Variants in DNAAF5 observed in about 807,000 individuals in gnomAD.
DNAAF5 encodes dynein axonemal assembly factor 5.
In DNAAF5, 64 loss-of-function variants were observed where a neutral mutation model predicts 75.8. That is an observed-to-expected ratio of 0.84 (90% CI 0.69 to 1.04). DNAAF5 has a LOEUF of 1.04. Ranked by LOEUF, DNAAF5 falls within the 50% of genes least tolerant of loss-of-function variation. The pLI, the probability that DNAAF5 is intolerant of heterozygous loss-of-function variation, is 0.00. For missense variants in DNAAF5, 1,269 were observed against 1,178.5 expected, an observed-to-expected ratio of 1.08 and a Z score of -1.12; for synonymous variants, 657 against 557.2, an observed-to-expected ratio of 1.18 and a Z score of -2.52.
In DNAAF5 at chr7:785,763, C is replaced by A; in HGVS notation, c.*110C>A. The A allele has an allele frequency of 7.9e-7, 1 of 1,265,954 alleles. No homozygotes were observed. Among genetic ancestry groups the A allele is most frequent in the Non-Finnish European group, 1.1e-6 (1 of 920,618 alleles). 78.4% of individuals were successfully genotyped at this position (1,265,954 alleles called of 1,614,324 possible). ...TGTGCCAGCAGTGAGACTGTGACAG[C>A]AAGAATGTACTCCTCAGGACACCTG... On this transcript the variant is annotated 3_prime_UTR_variant, in exon 13 of 13. Coordinates refer to ENST00000297440, the MANE Select transcript of DNAAF5 (RefSeq NM_017802.4).
intron 8 of DNAAF5, among the ~76,000 whole-genome samples, chr7:766,803 A>G (rs929869042): frequency 2.6e-5 from 4 of 152,078 alleles, no homozygotes; most frequent in African/African-American, 4.8e-5. Context: ...GAGAGAGACC[A>G]TGATTCCAAA....
chr7:777,386 G>A lies in DNAAF5; in HGVS notation c.2239+2224G>A, dbSNP rs766950172. Among the ~76,000 whole-genome samples, 11 of 152,276 alleles carry A rather than the reference G, an allele frequency of 7.2e-5. No homozygotes were observed. In the South Asian group the frequency reaches 8.3e-4, roughly 11 times the overall value. ...ACCTCAAAGTTACCTTTATTGAGGC[G>A]TGTTTAAGATCCTCAAAAAGCTAAA... On this transcript the variant is annotated intron_variant, in intron 11 of 12. Transcript: ENST00000297440.
At position 786,319 on chromosome 7, in the gene DNAAF5, C is replaced by T. The variant is rs543200216; in HGVS notation, c.*666C>T. The T allele has an allele frequency of 6.6e-6, 1 of 152,378 alleles. No homozygotes were observed. The highest frequency in any genetic ancestry group is 2.1e-4 in the South Asian group (1 of 4,832). The allele number at this position is 152,378 out of a possible 1,614,324, so 9.4% of individuals were successfully genotyped here. A position where few individuals can be genotyped will look rare whatever the true frequency, so the allele number is the denominator to read the frequency against. Reference sequence around the variant, plus strand: ...AGTAAAGTTGCATTTCCCTCTCGCACATTCTACACCCAAGTGCCTAAAAGA... The same window carrying T: ...AGTAAAGTTGCATTTCCCTCTCGCATATTCTACACCCAAGTGCCTAAAAGA... On this transcript the variant is annotated 3_prime_UTR_variant, in exon 13 of 13. Transcript: ENST00000297440.
chr7:728,744 T>C (rs551247914), intron 1 of DNAAF5, among the ~76,000 whole-genome samples: 264 of 152,314 alleles, frequency 1.7e-3, no homozygotes, highest in Middle Eastern at 6.8e-3. Flanking sequence ...TGCTGGGGTA[T>C]GTGCTCACTG....
intron 3 of DNAAF5, 23 bp downstream of exon 3, chr7:740,966 G>T: frequency 6.2e-7 from 1 of 1,609,310 alleles, no homozygotes; most frequent in Non-Finnish European, 8.5e-7. Context: ...GCGGCCGCGG[G>T]CCTTGTCTTC....
intron 12 of DNAAF5, among the ~76,000 whole-genome samples, chr7:783,742 T>C (rs1487171005): frequency 6.6e-6 from 1 of 151,752 alleles, no homozygotes; most frequent in Non-Finnish European, 1.5e-5. Context: ...CCCTGGCAAA[T>C]CCCAGCCCTG....
chr7:773,853 G>A (rs923000015), intron 9 of DNAAF5, among the ~76,000 whole-genome samples, 195 bp from the exon 10 acceptor site: 1 of 152,162 alleles, frequency 6.6e-6, no homozygotes, highest in Non-Finnish European at 1.5e-5. Context: ...CTGTCTCCCC[G>A]GTAGGGTTGG....
intron 6 of DNAAF5, among the ~76,000 whole-genome samples, chr7:760,958 G>T (rs1381164700): frequency 1.3e-5 from 2 of 152,256 alleles, no homozygotes; most frequent in African/African-American, 4.8e-5. Context: ...GCCAGCTTCA[G>T]CGCTGACCAG....
intron 12 of DNAAF5, among the ~76,000 whole-genome samples, chr7:784,039 C>T (rs1779070078): frequency 6.6e-6 from 1 of 151,174 alleles, no homozygotes; most frequent in African/African-American, 2.4e-5. Context: ...CCCCACCTCC[C>T]CCACCGCACA....
rs574933049 is a variant in DNAAF5, at chr7:752,094, G to A, written c.1025-2495G>A. Among the ~76,000 whole-genome samples the A allele has an allele frequency of 5.3e-5, 8 of 152,314 alleles. No individual in the cohort carries two copies. The South Asian group carries it at 1.7e-3, about 32-fold the overall frequency. On this transcript the variant is annotated intron_variant, in intron 4 of 12. Transcript: ENST00000297440. Reference sequence around the variant, plus strand: ...TGGCTTTCAGACCGATGAGCAGAACGAGAGCGTCCAGAAACAGGCGCCCGC... The same window carrying A: ...TGGCTTTCAGACCGATGAGCAGAACAAGAGCGTCCAGAAACAGGCGCCCGC...
intron 8 of DNAAF5, among the ~76,000 whole-genome samples, chr7:765,096 G>A (rs1301928310): frequency 6.6e-6 from 1 of 152,226 alleles, no homozygotes; most frequent in African/African-American, 2.4e-5. Context: ...ACTCCAGCCT[G>A]GGCAACAGAG....
chr7:764,763 GT>G (rs1167691607), intron 8 of DNAAF5, among the ~76,000 whole-genome samples: 1 of 152,128 alleles, frequency 6.6e-6, no homozygotes, highest in Non-Finnish European at 1.5e-5. Context: ...ATTCAAAACT[GT>G]TTCCAAATTA....
At chr7:740,974 T>C in intron 3 of DNAAF5, 31 bp downstream of exon 3, 1 of 1,607,606 alleles carries the variant, frequency 6.2e-7, no homozygotes, top group South Asian at 1.1e-5. Context: ...GGGCCTTGTC[T>C]TCCTAAACGG....
At chr7:781,854 A>C (rs543347952) in intron 12 of DNAAF5, among the ~76,000 whole-genome samples, 1 of 152,314 alleles carries the variant, frequency 6.6e-6, no homozygotes, top group East Asian at 1.9e-4. Flanking sequence ...ATTGTCTGCT[A>C]TTGAGCCTGA....
At chr7:781,992 T>C (rs553174117) in intron 12 of DNAAF5, among the ~76,000 whole-genome samples, 1 of 152,386 alleles carries the variant, frequency 6.6e-6, no homozygotes, top group African/African-American at 2.4e-5. Context: ...GTGTGGAAGC[T>C]TTGGGCCTGG....
intron 12 of DNAAF5, among the ~76,000 whole-genome samples, chr7:780,939 A>G (rs951363861): frequency 3.3e-5 from 5 of 150,322 alleles, no homozygotes; most frequent in Non-Finnish European, 7.4e-5. Flanking sequence ...TATATAAGGC[A>G]TGTGTGATAC....
At chr7:749,433 G>A (rs1030660132) in intron 4 of DNAAF5, among the ~76,000 whole-genome samples, 2 of 152,242 alleles carry the variant, frequency 1.3e-5, no homozygotes, top group East Asian at 3.8e-4. Context: ...TGACTTAGAA[G>A]TGAGCAGGGT....
At chr7:764,113 G>A (rs1227502316) in intron 8 of DNAAF5, 139 bp downstream of exon 8, 8 of 870,014 alleles carry the variant, frequency 9.2e-6, no homozygotes, top group Non-Finnish European at 1.4e-5. Context: ...GTACCCAATA[G>A]TCACTCTTGC....
At chr7:741,085 G>A (rs1781893519) in intron 3 of DNAAF5, 142 bp downstream of exon 3, 1 of 1,046,098 alleles carries the variant, frequency 9.6e-7, no homozygotes, top group Non-Finnish European at 1.4e-6. Context: ...CCGTACAGAA[G>A]TCGTCTCGTT....
Sources: gnomAD v4.1 joint callset for allele counts (sites outside exome capture counted in the v4.1 genomes callset) on GRCh38, gnomAD v4.1.1 for gene constraint, MANE v1.5 for transcripts, NCBI Gene and HGNC (gene_info 2026-07-23, HGNC 2026-07-21) for gene names.